PCM1: variants seen among roughly 807,000 people sequenced by gnomAD.
The protein encoded by PCM1 is pericentriolar material 1.
PCM1 carries 157 observed loss-of-function variants against 241.9 expected under a neutral mutation model. That is an observed-to-expected ratio of 0.65 (90% confidence interval 0.57 to 0.74). The LOEUF is 0.74. PCM1 is among the 30% of genes least tolerant of loss of function. PCM1 has a pLI of 0.00. For synonymous variants in PCM1, 1,085 were observed against 784.9 expected (o/e 1.38, Z -6.39); for missense variants, 3,478 against 2,360.1 (o/e 1.47, Z -9.81).
chr8:17,946,702 G>A (rs2129455059), intron 6 of PCM1, among the ~76,000 whole-genome samples: 1 of 152,192 alleles, frequency 6.6e-6, no homozygotes, highest in South Asian at 2.1e-4. Context: ...TCATATGTTG[G>A]TCAGGCTGGT....
At chr8:17,993,448 T>G in intron 28 of PCM1, 35 bp from the exon 29 acceptor site, 1 of 1,472,418 alleles carries the variant, frequency 6.8e-7, no homozygotes, top group Non-Finnish European at 9.1e-7. Context: ...ATAATAGGCT[T>G]TGTTAGGCTA....
chr8:17,935,769 C>G, intron 3 of PCM1, 63 bp downstream of exon 3: 2 of 801,410 alleles, frequency 2.5e-6, no homozygotes, highest in Non-Finnish European at 4.4e-6. Flanking sequence ...AGTTTTCCCC[C>G]TGACCAAATT....
chr8:18,017,784 T>C (rs2427740), intron 36 of PCM1, among the ~76,000 whole-genome samples: 119,569 of 151,774 alleles, frequency 0.79, 47,691 homozygotes, highest in African/African-American at 0.86. Flanking sequence ...ACCCAGTGGG[T>C]GGAGGTTGTC....
intron 26 of PCM1, among the ~76,000 whole-genome samples, chr8:17,989,576 T>C (rs968896458): frequency 3.9e-5 from 6 of 152,062 alleles, no homozygotes; most frequent in Non-Finnish European, 5.9e-5. Context: ...TGTAAAATGT[T>C]AACTTTGCCA....
chr8:17,978,176 A>G (rs3739401), intron 23 of PCM1, among the ~76,000 whole-genome samples: 36,573 of 152,086 alleles, frequency 0.24, 4,986 homozygotes, highest in African/African-American at 0.38. Flanking sequence ...TCCAAATTAC[A>G]GGCCTAGAAA....
chr8:17,937,016 C>G (rs1276420955), intron 3 of PCM1, 118 bp from the exon 4 acceptor site: 34 of 725,560 alleles, frequency 4.7e-5, no homozygotes, highest in Non-Finnish European at 7.6e-5. Context: ...GAGTATAAGT[C>G]TGTCAAAAAT....
chr8:17,945,073 T>C (rs949757663), intron 6 of PCM1, among the ~76,000 whole-genome samples: 1 of 152,172 alleles, frequency 6.6e-6, no homozygotes, highest in African/African-American at 2.4e-5. Flanking sequence ...TCCATTGATA[T>C]CTGTACCTAT....
chr8:17,991,046 A>ATTT (rs35010110), intron 27 of PCM1, among the ~76,000 whole-genome samples: 1 of 144,738 alleles, frequency 6.9e-6, no homozygotes, highest in African/African-American at 2.5e-5. Context: ...ATTTACTGGT[A>ATTT]TTTTTTTTTT....
At chr8:17,965,959 T>G (rs2074718660) in intron 18 of PCM1, 40 bp from the exon 19 acceptor site, 1 of 1,466,122 alleles carries the variant, frequency 6.8e-7, no homozygotes, top group Non-Finnish European at 9.3e-7. Context: ...AAAACCAAAT[T>G]ATTATGTATG....
intron 16 of PCM1, among the ~76,000 whole-genome samples, chr8:17,962,379 C>G (rs1395181200): frequency 6.6e-6 from 1 of 151,830 alleles, no homozygotes; most frequent in Non-Finnish European, 1.5e-5. Context: ...AATTTTTAAA[C>G]TTTAATTGAA....
chr8:17,923,603 T>G (rs12718384), intron 1 of PCM1, among the ~76,000 whole-genome samples: 1 of 151,360 alleles, frequency 6.6e-6, no homozygotes, highest in African/African-American at 2.4e-5. Flanking sequence ...GTGGCCATAG[T>G]TCTTCCCCGC....
chr8:17,983,249 A>G, intron 24 of PCM1: 2 of 1,323,304 alleles, frequency 1.5e-6, no homozygotes, highest in Non-Finnish European at 2.0e-6. Flanking sequence ...CTAGGAGAAT[A>G]CTACAGCAGT....
intron 23 of PCM1, among the ~76,000 whole-genome samples, chr8:17,973,947 C>A (rs762861706): frequency 2.0e-5 from 3 of 152,024 alleles, no homozygotes; most frequent in Non-Finnish European, 4.4e-5. Flanking sequence ...CTAATGAAAA[C>A]CACAGATACA....
At chr8:17,988,564 G>A (rs1199858817) in intron 26 of PCM1, among the ~76,000 whole-genome samples, 4 of 151,684 alleles carry the variant, frequency 2.6e-5, no homozygotes, top group Admixed American at 2.6e-4. Context: ...AACAAAAATA[G>A]GAATTTTCTG....
chr8:17,958,018 T>A (rs893565510), intron 13 of PCM1, among the ~76,000 whole-genome samples: 3 of 152,194 alleles, frequency 2.0e-5, no homozygotes, highest in Non-Finnish European at 4.4e-5. Context: ...AATTTCACAA[T>A]GCAAAAGCAG....
chr8:17,961,934 T>C (rs1432339791), intron 15 of PCM1, 100 bp from the exon 16 acceptor site: 6 of 903,622 alleles, frequency 6.6e-6, no homozygotes, highest in South Asian at 3.6e-5. Flanking sequence ...AGATTAAATA[T>C]GGCACTAGAG....
At position 17,962,173 on chromosome 8, in the gene PCM1, A is replaced by C; in HGVS notation, c.2462A>C (p.Glu821Ala). ...EPEDSSIVDN[E>A]LWSEMRRHEM... The stretch of plus-strand genomic sequence containing the variant: ...GAAGATTCTTCAATAGTAGATAATG[A>C]GGTATTGTAAATTGTACTCTCTTGT... The change falls in exon 16 of 39, where the codon GAG becomes GCG. Residue 821 changes from glutamate (E) to alanine (A), a missense_variant and splice_region_variant. By Grantham distance (107) the Glu-to-Ala change is moderately radical. Coordinates refer to ENST00000325083, the MANE Select transcript of PCM1 (RefSeq NM_006197.4). 6.3e-7 allele frequency: 1 copy of C among 1,599,942 alleles called. No individual in the cohort carries two copies. The highest frequency in any genetic ancestry group is 8.5e-7 in the Non-Finnish European group (1 of 1,171,680).
At chr8:17,949,410 AG>A (rs1413567259) in intron 7 of PCM1, among the ~76,000 whole-genome samples, 6 of 152,122 alleles carry the variant, frequency 3.9e-5, no homozygotes, top group Non-Finnish European at 8.8e-5. Context: ...GATTCTATAT[AG>A]CCTTGAAATT....
chr8:17,952,740 G>T (rs1483290714), intron 8 of PCM1, among the ~76,000 whole-genome samples: 2 of 152,086 alleles, frequency 1.3e-5, no homozygotes, highest in East Asian at 3.9e-4. Context: ...GTCCCCAGGG[G>T]TCCTTGAACC....
Sources: gnomAD v4.1 joint callset for allele counts (sites outside exome capture counted in the v4.1 genomes callset) on GRCh38, gnomAD v4.1.1 for gene constraint, MANE v1.5 for transcripts, NCBI Gene and HGNC (gene_info 2026-07-23, HGNC 2026-07-21) for gene names.